The following AMZ1 variants were observed in gnomAD, a reference collection of about 807,000 sequenced individuals.
AMZ1 encodes the protein archaelysin family metallopeptidase 1.
In AMZ1, 39 loss-of-function variants were observed where a neutral mutation model predicts 29.9. The observed-to-expected ratio is 1.30, with a 90% CI of 1.01 to 1.70. The LOEUF is 1.70. Ranked by LOEUF, AMZ1 falls within the 40% of genes most tolerant of loss-of-function variation. The pLI is 0.00. For missense variants in AMZ1, 1,041 were observed against 680.6 expected (o/e 1.53, Z -5.89); for synonymous variants, 458 against 304.0 (o/e 1.51, Z -5.27).
intron 6 of AMZ1, 85 bp from the exon 7 acceptor site, chr7:2,712,245 C>G: frequency 7.1e-7 from 1 of 1,408,374 alleles, no homozygotes; most frequent in African/African-American, 1.5e-5. Context: ...GGTGGGGTCC[C>G]CTTAGGTAAG....
chr7:2,758,609 C>T (rs1006589671), intron 4 of AMZ1, among the ~76,000 whole-genome samples: 28 of 152,240 alleles, frequency 1.8e-4, no homozygotes, highest in African/African-American at 6.7e-4. Context: ...GGGAGCCTTT[C>T]AAGGAACCTG....
intron 4 of AMZ1, among the ~76,000 whole-genome samples, chr7:2,749,020 G>A (rs1017041025): frequency 7.2e-5 from 11 of 152,316 alleles, no homozygotes; most frequent in African/African-American, 2.2e-4. Context: ...AACAGGTGCT[G>A]GAGAGGATGT....
chr7:2,724,540 C>T (rs1195611933), downstream of AMZ1, among the ~76,000 whole-genome samples: 1 of 152,098 alleles, frequency 6.6e-6, no homozygotes, highest in Admixed American at 6.5e-5. Context: ...CTCTCTGCAC[C>T]CTCCCACCCC....
At chr7:2,734,374 A>T (rs1790052275) in intron 4 of AMZ1, among the ~76,000 whole-genome samples, 1 of 152,216 alleles carries the variant, frequency 6.6e-6, no homozygotes, top group South Asian at 2.1e-4. Flanking sequence ...AAAGACAGAC[A>T]CCAGCAGGCG....
At chr7:2,721,328 T>G (rs756513856), downstream of AMZ1, among the ~76,000 whole-genome samples, 1 of 152,186 alleles carries the variant, frequency 6.6e-6, no homozygotes, top group Non-Finnish European at 1.5e-5. Flanking sequence ...GGCCTCTGCT[T>G]CGGGAAAGGT....
intron 6 of AMZ1, among the ~76,000 whole-genome samples, chr7:2,710,909 G>A (rs1018004824): frequency 3.3e-5 from 5 of 152,222 alleles, no homozygotes; most frequent in Non-Finnish European, 5.9e-5. Context: ...GCAGCTCTTA[G>A]TACCTTCCTG....
intron 4 of AMZ1, among the ~76,000 whole-genome samples, chr7:2,738,838 TG>T (rs1265200890): frequency 2.0e-5 from 3 of 152,204 alleles, no homozygotes; most frequent in African/African-American, 7.2e-5. Flanking sequence ...TTATTTTGTT[TG>T]TTTTTTTGTT....
intron 1 of AMZ1, chr7:2,679,686 C>G (rs1786815282): frequency 1.3e-5 from 2 of 152,548 alleles, no homozygotes; most frequent in South Asian, 4.1e-4. Flanking sequence ...TTGTAAGAGT[C>G]ACCGAAGTGC....
At chr7:2,700,800 T>TTA (rs766459246) in intron 2 of AMZ1, 45 bp downstream of exon 2, 3 of 1,589,088 alleles carry the variant, frequency 1.9e-6, no homozygotes, top group Non-Finnish European at 2.6e-6. Flanking sequence ...GGGGACCAGC[T>TTA]TATATATAGC....
chr7:2,687,596 G>A (rs1158674879), upstream of AMZ1, among the ~76,000 whole-genome samples: 1 of 152,354 alleles, frequency 6.6e-6, no homozygotes. Context: ...CTGGTGGCTG[G>A]CACAGGGCCA....
In AMZ1 at chr7:2,696,077, C is replaced by T. The variant is rs371125534; in HGVS notation, c.-218-4157C>T. On this transcript the variant is annotated intron_variant, in intron 1 of 6. Coordinates refer to ENST00000683327, the MANE Select transcript of AMZ1 (RefSeq NM_001384743.1). ...AGAAAACAAAATCTGTGTGTTCCAA[C>T]CCCCCTCGCCCCGCCCCCCACAACC... is the stretch of plus-strand genomic sequence containing the variant. Among the ~76,000 whole-genome samples the T allele has an allele frequency of 1.1e-4, 16 of 151,148 alleles. No individual in the cohort carries two copies. In the East Asian group the frequency reaches 1.7e-3, roughly 16 times the overall value.
downstream of AMZ1, among the ~76,000 whole-genome samples, chr7:2,722,616 G>A (rs951332235): frequency 1.3e-5 from 2 of 152,212 alleles, no homozygotes; most frequent in Non-Finnish European, 2.9e-5. Context: ...CAGGTCAAAA[G>A]GTAATTTTTT....
rs748530928 is a variant in AMZ1, at chr7:2,712,523, C to A, written c.1142C>A (p.Pro381Gln). The change falls in exon 7 of 7, where the codon CCA becomes CAA. Residue 381 changes from proline (P) to glutamine (Q), a missense_variant. Coordinates refer to ENST00000683327, the MANE Select transcript of AMZ1 (RefSeq NM_001384743.1). ...DAGSHTFASG[P>Q]EEGLSYLAAS... ...GGGAGTCACACCTTCGCCTCGGGGC[C>A]AGAGGAAGGGCTGAGCTACCTGGCA... The A allele has an allele frequency of 6.8e-6, 11 of 1,608,412 alleles. 1 individual carries two copies. In the East Asian group the frequency reaches 1.6e-4, roughly 23 times the overall value.
In AMZ1 at chr7:2,707,287, A is replaced by C. The variant is rs960055459; in HGVS notation, c.473-1301A>C. ...GCAACACTCCATCTCAAAAAAAAAA[A>C]ACAAAAAAACACACACACACAGAAC... On this transcript the variant is annotated intron_variant, in intron 3 of 6. Transcript: ENST00000683327. 4.0e-5 allele frequency among the ~76,000 whole-genome samples: 6 copies of C among 151,466 alleles called. No individual in the cohort carries two copies. In the South Asian group the frequency reaches 6.3e-4, roughly 16 times the overall value.
upstream of AMZ1, among the ~76,000 whole-genome samples, chr7:2,686,124 C>G (rs943492794): frequency 6.6e-6 from 1 of 152,208 alleles, no homozygotes; most frequent in Admixed American, 6.5e-5. Flanking sequence ...GGTGACAGAT[C>G]CATGACACGG....
At chr7:2,763,215 CA>C, upstream of AMZ1, 1 of 437,074 alleles carries the variant, frequency 2.3e-6, no homozygotes, top group Non-Finnish European at 3.3e-6. Context: ...CACACACACA[CA>C]CACACACACA....
At chr7:2,685,112 G>A (rs542114994), upstream of AMZ1, among the ~76,000 whole-genome samples, 21 of 151,554 alleles carry the variant, frequency 1.4e-4, no homozygotes, top group African/African-American at 1.9e-4. Context: ...CTCGTGATCC[G>A]CCCGCCTCGG....
rs1053367299 is a variant in AMZ1 at position 2,718,400 on chromosome 7, G to A, written c.*5522G>A. Among the ~76,000 whole-genome samples, 8 of 152,136 alleles carry A rather than the reference G, an allele frequency of 5.3e-5. No individual in the cohort carries two copies. The highest frequency in any genetic ancestry group is 1.4e-4 in the African/African-American group (6 of 41,438). The stretch of plus-strand genomic sequence containing the variant: ...TTTCTCGAGTCCAAGACCATCTCCC[G>A]TTCAAGGGCCCTCACCGCGCTTTGT... On this transcript the variant is annotated 3_prime_UTR_variant, in exon 7 of 7. Transcript: ENST00000683327.
At chr7:2,704,797 C>T (rs7809151) in intron 3 of AMZ1, among the ~76,000 whole-genome samples, 37,388 of 151,706 alleles carry the variant, frequency 0.25, 6,174 homozygotes, top group African/African-American at 0.47. Context: ...GGGGTTTCAC[C>T]GTGTTAGCCA....
Sources: gnomAD v4.1 joint callset for allele counts (sites outside exome capture counted in the v4.1 genomes callset) on GRCh38, gnomAD v4.1.1 for gene constraint, MANE v1.5 for transcripts, NCBI Gene and HGNC (gene_info 2026-07-23, HGNC 2026-07-21) for gene names.